The following RAD54L2 variants were observed in gnomAD, a reference collection of about 807,000 sequenced individuals.
The protein encoded by RAD54L2 is RAD54 like 2, also known as helicase ARIP4.
In RAD54L2, 27 loss-of-function variants were observed where a neutral mutation model predicts 138.4. That is an observed-to-expected ratio of 0.20 (90% confidence interval 0.14 to 0.27). The LOEUF is 0.27. RAD54L2 is among the 10% of genes least tolerant of loss of function. The probability of loss-of-function intolerance (pLI) is 1.00; values close to 1 mark genes in which losing one functional copy is unlikely to be tolerated. For synonymous variants in RAD54L2, 644 were observed against 723.2 expected, an observed-to-expected ratio of 0.89 and a Z score of 1.76; for missense variants, 1,396 against 1,890.2, an observed-to-expected ratio of 0.74 and a Z score of 4.85.
intron 2 of RAD54L2, among the ~76,000 whole-genome samples, chr3:51,589,356 C>G (rs1699785216): frequency 6.6e-6 from 1 of 152,078 alleles, no homozygotes; most frequent in Non-Finnish European, 1.5e-5. Flanking sequence ...ATGATTGTGC[C>G]TCTGCACTCC....
rs755917502 is a variant in RAD54L2 at position 51,639,475 on chromosome 3, T to C, written c.1917T>C (p.Asn639=). The part of the protein sequence containing the change: ...YEALQKESLA[N]EQDLDVEELG... Reference sequence around the variant, plus strand: ...CCCTTCAGAAGGAGAGCTTGGCCAATGAGCAGGACCTAGACGTGGAAGAAC... The same window carrying C: ...CCCTTCAGAAGGAGAGCTTGGCCAACGAGCAGGACCTAGACGTGGAAGAAC... The change falls in exon 13 of 23, where the codon AAT becomes AAC. Residue 639 remains asparagine, a synonymous_variant. Transcript: ENST00000684192. The C allele has an allele frequency of 5.0e-6, 8 of 1,613,970 alleles. No homozygotes were observed. Among genetic ancestry groups the C allele is most frequent in the Non-Finnish European group, 6.8e-6 (8 of 1,179,882 alleles).
At chr3:51,552,364 GCC>G (rs2108692331) in intron 2 of RAD54L2, among the ~76,000 whole-genome samples, 1 of 151,708 alleles carries the variant, frequency 6.6e-6, no homozygotes, top group South Asian at 2.1e-4. Flanking sequence ...CCGGGTTCAT[GCC>G]ATTCTCCTGC....
Position 51,638,526 on chromosome 3 carries a change from T to C in RAD54L2, c.1860+205T>C. 1.7e-6 allele frequency: 1 copy of C among 592,818 alleles called. No individual in the cohort carries two copies. Among genetic ancestry groups the C allele is most frequent in the Non-Finnish European group, 2.9e-6 (1 of 340,308 alleles). The allele number at this position is 592,818 out of a possible 1,614,324, so 36.7% of individuals were successfully genotyped here. A position where few individuals can be genotyped will look rare whatever the true frequency, so the allele number is the denominator to read the frequency against. On this transcript the variant is annotated intron_variant, in intron 12 of 22. Transcript: ENST00000684192. The surrounding 1 kb of genome is among the most constrained non-coding windows in gnomAD (Gnocchi z 4.3). ...ACTCCTGGGGGTGCCATTCACACAG[T>C]GTAATATAACTGATGCCCCCTGCAG...
At position 51,662,388 on chromosome 3, in the gene RAD54L2, G is replaced by C. The variant is rs1402302086; in HGVS notation, c.3410-38G>C. 1 of 1,467,134 alleles carries C rather than the reference G, an allele frequency of 6.8e-7. No homozygotes were observed. The highest frequency in any genetic ancestry group is 9.1e-7 in the Non-Finnish European group (1 of 1,101,838). The allele number at this position is 1,467,134 out of a possible 1,614,324, so 90.9% of individuals were successfully genotyped here. A position where few individuals can be genotyped will look rare whatever the true frequency, so the allele number is the denominator to read the frequency against. ...CTCCTCTACCCTTCTTCTCTCCCTG[G>C]CCACTCTGATTCTCAGTTAACTACA... On this transcript the variant is annotated intron_variant, in intron 22 of 22. Coordinates refer to ENST00000684192, the MANE Select transcript of RAD54L2 (RefSeq NM_015106.4). The surrounding 1 kb of genome is among the most constrained non-coding windows in gnomAD (Gnocchi z 4.6).
intron 21 of RAD54L2, among the ~76,000 whole-genome samples, chr3:51,659,633 G>A (rs149066494): frequency 2.6e-3 from 394 of 152,318 alleles, no homozygotes; most frequent in Non-Finnish European, 5.1e-3. Flanking sequence ...CTGGGCCAGA[G>A]TGCCTGGGAA....
chr3:51,602,015 A>G (rs927427275), intron 3 of RAD54L2, among the ~76,000 whole-genome samples: 5 of 151,738 alleles, frequency 3.3e-5, no homozygotes, highest in African/African-American at 1.2e-4. Context: ...TATTTTTAAT[A>G]GAGACGCGGT....
At chr3:51,609,387 A>G (rs919786665) in intron 3 of RAD54L2, among the ~76,000 whole-genome samples, 1 of 152,212 alleles carries the variant, frequency 6.6e-6, no homozygotes, top group African/African-American at 2.4e-5. Flanking sequence ...GGAACTGGTA[A>G]CTTGGCCCTG....
Position 51,645,530 on chromosome 3 carries a change from T to A in RAD54L2, c.2657-61T>A. The A allele has an allele frequency of 6.9e-7, 1 of 1,457,828 alleles. No homozygotes were observed. Among genetic ancestry groups the A allele is most frequent in the Non-Finnish European group, 9.3e-7 (1 of 1,080,588 alleles). 90.3% of individuals were successfully genotyped at this position (1,457,828 alleles called of 1,614,324 possible). ...CAGATATGGGATGACTTTTCATTAT[T>A]AGTGACCTTTACAGTTTTTAATGCC... On this transcript the variant is annotated intron_variant, in intron 17 of 22. Transcript: ENST00000684192. This position sits in a 1 kb window ranked among gnomAD's most constrained non-coding sequence, Gnocchi z 6.1.
At chr3:51,592,578 T>C (rs1397943727) in intron 3 of RAD54L2, among the ~76,000 whole-genome samples, 2 of 151,968 alleles carry the variant, frequency 1.3e-5, no homozygotes, top group East Asian at 3.9e-4. Context: ...TTGACCCTAT[T>C]TTACCTCTTA....
intron 2 of RAD54L2, among the ~76,000 whole-genome samples, chr3:51,577,930 C>G (rs1401398921): frequency 5.3e-5 from 8 of 152,160 alleles, no homozygotes; most frequent in Non-Finnish European, 1.0e-4. Context: ...ATTTTTACCT[C>G]TAAATACTTT....
intron 2 of RAD54L2, among the ~76,000 whole-genome samples, chr3:51,543,147 T>C (rs1292736234): frequency 6.6e-6 from 1 of 152,132 alleles, no homozygotes; most frequent in Admixed American, 6.5e-5. Context: ...TATAGAACTT[T>C]CAGTTTTATT....
At chr3:51,570,029 C>T (rs1182232365) in intron 2 of RAD54L2, among the ~76,000 whole-genome samples, 1 of 151,048 alleles carries the variant, frequency 6.6e-6, no homozygotes, top group Non-Finnish European at 1.5e-5. Flanking sequence ...GACAGGGTCT[C>T]ACTATGTTGC....
intron 19 of RAD54L2, among the ~76,000 whole-genome samples, chr3:51,652,589 A>G (rs1186531710): frequency 6.6e-6 from 1 of 152,206 alleles, no homozygotes; most frequent in African/African-American, 2.4e-5. Context: ...AATATAGACC[A>G]ATGGAACAGA....
At chr3:51,541,256 G>A (rs561226659) in intron 1 of RAD54L2, 3 of 152,222 alleles carry the variant, frequency 2.0e-5, no homozygotes, top group African/African-American at 7.2e-5. Context: ...CTTTTAATCA[G>A]TAAAGACATT....
intron 22 of RAD54L2, 58 bp downstream of exon 22, chr3:51,660,176 T>G: frequency 2.1e-6 from 3 of 1,402,524 alleles, no homozygotes. Flanking sequence ...TGCTTTGTTT[T>G]GGTTAGGTAT....
chr3:51,655,126 C>T (rs528861820), intron 19 of RAD54L2, among the ~76,000 whole-genome samples: 1 of 152,238 alleles, frequency 6.6e-6, no homozygotes, highest in Admixed American at 6.5e-5. Context: ...TGCAGACCAG[C>T]TCCAACAGCA....
Position 51,656,186 on chromosome 3 carries a change from C to T in RAD54L2, c.3226+16C>T, listed in dbSNP as rs745553617. 44 of 1,580,740 alleles carry T rather than the reference C, an allele frequency of 2.8e-5. No homozygotes were observed. The East Asian group carries it at 9.5e-4, about 34-fold the overall frequency. On this transcript the variant is annotated intron_variant, in intron 20 of 22. Transcript: ENST00000684192. ...ACCACGACAGGTGGGAACTCCTGGG[C>T]TCTGTGGCAGAGCTGCTGTCCCTTT...
intron 4 of RAD54L2, among the ~76,000 whole-genome samples, chr3:51,628,375 T>G (rs1203354536): frequency 6.6e-6 from 1 of 152,070 alleles, no homozygotes; most frequent in African/African-American, 2.4e-5. Flanking sequence ...CCCTAGTTTC[T>G]TTTCTTTTCT....
intron 3 of RAD54L2, among the ~76,000 whole-genome samples, chr3:51,617,555 A>G (rs532024636): frequency 6.6e-6 from 1 of 152,254 alleles, no homozygotes; most frequent in South Asian, 2.1e-4. Context: ...GATTCTGTGT[A>G]GTCTTACTGA....
Sources: allele counts gnomAD v4.1 joint callset (sites outside exome capture counted in the v4.1 genomes callset), GRCh38; gene constraint gnomAD v4.1.1; non-coding constraint Gnocchi (gnomAD v3.1); transcripts MANE v1.5; gene names NCBI Gene and HGNC (gene_info 2026-07-23, HGNC 2026-07-21).